The following HDAC8 variants were observed in gnomAD, a reference collection of about 807,000 sequenced individuals.
The protein encoded by HDAC8 is histone deacetylase-like 1.
A neutral mutation model predicts 32.2 loss-of-function variants in HDAC8; 1 was observed. That is an observed-to-expected ratio of 0.03 (90% CI 0.01 to 0.15). HDAC8 has a LOEUF of 0.15. HDAC8 is among the 10% of genes least tolerant of loss of function. The pLI is 1.00. For synonymous variants in HDAC8, 108 were observed against 113.9 expected, an observed-to-expected ratio of 0.95 and a Z score of 0.33; for missense variants, 117 against 300.0, an observed-to-expected ratio of 0.39 and a Z score of 4.51.
chrX:72,475,520 A>G (rs2048307047), intron 7 of HDAC8, among the ~76,000 whole-genome samples: 1 of 111,015 alleles, frequency 9.0e-6, no homozygotes, highest in Admixed American at 9.6e-5. Flanking sequence ...CAACAACTCA[A>G]CCTGCCAGGG....
chrX:72,512,727 C>T lies in HDAC8; in HGVS notation c.438-17459G>A, dbSNP rs1373248292. On this transcript the variant is annotated intron_variant, in intron 4 of 10. Transcript: ENST00000373573. ...CCGTACTCCTCCTGCTGTCTGTCCC[C>T]TCCTGGGTCGCACACTTTACACTGC... 3.6e-5 allele frequency among the ~76,000 whole-genome samples: 4 copies of T among 111,478 alleles called. No homozygotes were observed. The Admixed American group carries it at 3.8e-4, about 11-fold the overall frequency.
rs372374426 is a variant in HDAC8, at chrX:72,488,222, T to C, written c.737+711A>G. Among the ~76,000 whole-genome samples the C allele has an allele frequency of 3.6e-5, 4 of 111,315 alleles. No individual in the cohort carries two copies. In the East Asian group the frequency reaches 1.1e-3, roughly 31 times the overall value. The stretch of plus-strand genomic sequence containing the variant: ...AGCTAAGTTGGGGAGGGATCAAGAG[T>C]ACCTCAATCCCCGTTACTTACCTTC... On this transcript the variant is annotated intron_variant, in intron 7 of 10. Transcript: ENST00000373573.
At chrX:72,489,280 G>T in intron 6 of HDAC8, 1 of 467,515 alleles carries the variant, frequency 2.1e-6, no homozygotes, top group Non-Finnish European at 3.9e-6. Context: ...TTGGCTTCAT[G>T]CTTTTTAGGT....
At chrX:72,528,106 G>A (rs375107291) in intron 4 of HDAC8, among the ~76,000 whole-genome samples, 87 of 110,867 alleles carry the variant, frequency 7.8e-4, no homozygotes, top group South Asian at 3.9e-3. Flanking sequence ...CCTAGGTACA[G>A]CTGGTTGGTC....
At chrX:72,468,102 G>A (rs1377758440) in intron 7 of HDAC8, 6 of 986,561 alleles carry the variant, frequency 6.1e-6, no homozygotes, top group Non-Finnish European at 8.1e-6. Context: ...TGAAGTAAGG[G>A]CAGCTTACAG....
At chrX:72,451,714 C>T (rs960440274) in intron 9 of HDAC8, among the ~76,000 whole-genome samples, 2 of 113,065 alleles carry the variant, frequency 1.8e-5, no homozygotes, top group African/African-American at 6.4e-5. Flanking sequence ...TAAAGGACTT[C>T]GGCTTCTGGC....
chrX:72,355,402 T>G (rs868945291), intron 9 of HDAC8, among the ~76,000 whole-genome samples: 18 of 110,863 alleles, frequency 1.6e-4, no homozygotes, highest in African/African-American at 5.6e-4. Context: ...AAGAGGGAGG[T>G]GCTAACCTCT....
Position 72,491,013 on chromosome X carries a change from G to C in HDAC8, c.551-7C>G. On this transcript the variant is annotated splice_polypyrimidine_tract_variant and splice_region_variant and intron_variant, in intron 5 of 10. Transcript: ENST00000373573. ...CTGAATGCGTCTTCTACACCTAACAGATAAAGAAACATCAAAAGAATCACT... is the reference window on the plus strand; with the variant it reads ...CTGAATGCGTCTTCTACACCTAACACATAAAGAAACATCAAAAGAATCACT... 1.7e-6 allele frequency: 2 copies of C among 1,150,811 alleles called. No homozygotes were observed. Among genetic ancestry groups the C allele is most frequent in the Middle Eastern group, 2.4e-4 (1 of 4,193 alleles). The allele number at this position is 1,150,811 out of a possible 1,213,427, so 94.8% of individuals were successfully genotyped here. A position where few individuals can be genotyped will look rare whatever the true frequency, so the allele number is the denominator to read the frequency against.
chrX:72,463,999 G>T (rs2047938651), intron 8 of HDAC8, among the ~76,000 whole-genome samples: 1 of 111,638 alleles, frequency 9.0e-6, no homozygotes, highest in South Asian at 3.8e-4. Flanking sequence ...CTTTCTTTTG[G>T]CTAAGTAATA....
chrX:72,380,458 G>C (rs2045237404), intron 9 of HDAC8, among the ~76,000 whole-genome samples: 1 of 111,858 alleles, frequency 8.9e-6, no homozygotes, highest in Non-Finnish European at 1.9e-5. Context: ...TCCCTCTGGT[G>C]GCTGCCAGGC....
rs782694993 is a variant in HDAC8, at chrX:72,438,167, T to C, written c.1005+23837A>G. Among the ~76,000 whole-genome samples, 7 of 112,052 alleles carry C rather than the reference T, an allele frequency of 6.2e-5. No homozygotes were observed. The South Asian group carries it at 2.6e-3, about 42-fold the overall frequency. On this transcript the variant is annotated intron_variant, in intron 9 of 10. Transcript: ENST00000373573. ...AAGGAACAAGCAACAATCTTTGCTG[T>C]TTTGCAGCCTCCGCTGGTGATACCC...
At chrX:72,344,107 T>C (rs2043960725) in intron 10 of HDAC8, among the ~76,000 whole-genome samples, 1 of 111,760 alleles carries the variant, frequency 8.9e-6, no homozygotes, top group Non-Finnish European at 1.9e-5. Flanking sequence ...TGAGGTGCCC[T>C]TCTTCTCCCC....
intron 9 of HDAC8, among the ~76,000 whole-genome samples, chrX:72,440,703 C>T (rs932392861): frequency 1.3e-4 from 15 of 112,130 alleles, no homozygotes; most frequent in Admixed American, 4.7e-4. Flanking sequence ...GTGAAGCACA[C>T]TGTGCGTGAG....
At chrX:72,509,948 G>T (rs1344703662) in intron 4 of HDAC8, among the ~76,000 whole-genome samples, 4 of 111,085 alleles carry the variant, frequency 3.6e-5, no homozygotes, top group Non-Finnish European at 5.7e-5. Flanking sequence ...TGAATGTTTG[G>T]AATTAAAAGT....
chrX:72,442,197 G>C (rs781817074), intron 9 of HDAC8, among the ~76,000 whole-genome samples: 1 of 110,499 alleles, frequency 9.0e-6, no homozygotes, highest in South Asian at 3.9e-4. Context: ...CCACAAAGAT[G>C]CTCCTCGAGA....
At chrX:72,417,984 A>G (rs187649573) in intron 9 of HDAC8, among the ~76,000 whole-genome samples, 81 of 112,228 alleles carry the variant, frequency 7.2e-4, no homozygotes, top group Non-Finnish European at 1.1e-3. Flanking sequence ...TATCTTATTC[A>G]ATAAGTGGTG....
intron 9 of HDAC8, among the ~76,000 whole-genome samples, chrX:72,421,325 C>G (rs1450002610): frequency 8.9e-6 from 1 of 111,850 alleles, no homozygotes; most frequent in Non-Finnish European, 1.9e-5. Flanking sequence ...CATCCCATCA[C>G]CTAGGTGTTA....
intron 9 of HDAC8, among the ~76,000 whole-genome samples, chrX:72,423,480 T>G (rs1232034110): frequency 1.8e-5 from 2 of 112,030 alleles, no homozygotes; most frequent in East Asian, 5.6e-4. Flanking sequence ...CCTTCTAGAT[T>G]CAGTCTCACC....
intron 9 of HDAC8, among the ~76,000 whole-genome samples, chrX:72,422,332 T>C (rs1427793147): frequency 1.8e-5 from 2 of 111,395 alleles, no homozygotes; most frequent in African/African-American, 6.5e-5. Flanking sequence ...GTCCCACAGG[T>C]CCCTTAGGCT....
Sources: gnomAD v4.1 joint callset for allele counts (sites outside exome capture counted in the v4.1 genomes callset) on GRCh38, gnomAD v4.1.1 for gene constraint, MANE v1.5 for transcripts, NCBI Gene and HGNC (gene_info 2026-07-23, HGNC 2026-07-21) for gene names.